Variants in TOGARAM1 observed in about 807,000 individuals in gnomAD.
TOGARAM1 encodes TOG array regulator of axonemal microtubules 1.
Under a neutral mutation model 166.6 loss-of-function variants are expected in TOGARAM1, and 100 were observed. The observed-to-expected ratio is 0.60, with a 90% CI of 0.51 to 0.71. The LOEUF is 0.71. Among genes scored for constraint, TOGARAM1 ranks in the 30% least tolerant of loss-of-function variants. TOGARAM1 has a pLI of 0.00. For missense variants in TOGARAM1, 2,029 were observed against 2,102.7 expected (o/e 0.96, Z 0.69); for synonymous variants, 758 against 763.8 (o/e 0.99, Z 0.13).
Position 44,963,363 on chromosome 14 carries a change from G to A in TOGARAM1, c.942G>A (p.Gln314=), listed in dbSNP as rs376482088. ...ACTACAATCGCCGCCTGGAGTCCCAGTTTGGAAGTCAGGTTCCTTATTATT... is the reference window on the plus strand; with the variant it reads ...ACTACAATCGCCGCCTGGAGTCCCAATTTGGAAGTCAGGTTCCTTATTATT... The part of the protein sequence containing the change: ...RRHYNRRLES[Q]FGSQVPYYLE... Residue 314 remains glutamine, a synonymous_variant, in exon 1 of 20, where the codon CAG becomes CAA. Transcript: ENST00000361462. The A allele has an allele frequency of 6.2e-7, 1 of 1,614,078 alleles. No individual in the cohort carries two copies. The highest frequency in any genetic ancestry group is 1.3e-5 in the African/African-American group (1 of 74,942).
chr14:45,052,245 G>A (rs1002819688), intron 14 of TOGARAM1, among the ~76,000 whole-genome samples, 191 bp from the exon 15 acceptor site: 2 of 152,110 alleles, frequency 1.3e-5, no homozygotes, highest in African/African-American at 2.4e-5. Context: ...GTTGTAAGTC[G>A]GAGACCATCT....
At chr14:45,012,204 C>T in intron 7 of TOGARAM1, 129 bp downstream of exon 7, 1 of 543,164 alleles carries the variant, frequency 1.8e-6, no homozygotes, top group Admixed American at 3.7e-5. Flanking sequence ...TTTTTTTACT[C>T]CTTAAAAGGT....
At chr14:44,998,790 A>G (rs1887555985) in intron 2 of TOGARAM1, among the ~76,000 whole-genome samples, 1 of 152,162 alleles carries the variant, frequency 6.6e-6, no homozygotes, top group South Asian at 2.1e-4. Flanking sequence ...AGGAGTCATT[A>G]CCACCTTTTT....
At chr14:44,964,672 A>C (rs1885413611) in intron 1 of TOGARAM1, among the ~76,000 whole-genome samples, 1 of 151,024 alleles carries the variant, frequency 6.6e-6, no homozygotes, top group Non-Finnish European at 1.5e-5. Context: ...GATAGATTTA[A>C]TTAAATTTGA....
chr14:45,002,804 C>T (rs1290652154), intron 3 of TOGARAM1, among the ~76,000 whole-genome samples: 1 of 151,946 alleles, frequency 6.6e-6, no homozygotes, highest in African/African-American at 2.4e-5. Context: ...GGTGAAACCC[C>T]GTCTCTACTA....
At chr14:45,035,186 C>T (rs1881360183) in intron 11 of TOGARAM1, among the ~76,000 whole-genome samples, 1 of 152,020 alleles carries the variant, frequency 6.6e-6, no homozygotes, top group Non-Finnish European at 1.5e-5. Flanking sequence ...AAGGCAAAAT[C>T]CTGTGTCTAC....
chr14:45,031,693 A>G (rs1335083768), intron 10 of TOGARAM1, among the ~76,000 whole-genome samples: 2 of 152,354 alleles, frequency 1.3e-5, no homozygotes, highest in East Asian at 3.9e-4. Context: ...TTTGTTAATA[A>G]TTTTGCATAT....
At chr14:44,972,003 C>T (rs1253158375) in intron 1 of TOGARAM1, among the ~76,000 whole-genome samples, 2 of 151,938 alleles carry the variant, frequency 1.3e-5, no homozygotes, top group East Asian at 1.9e-4. Context: ...CTTACATGGC[C>T]GGAGAAGGAG....
Position 45,045,583 on chromosome 14 carries a change from ATGTGTGTGTGTGTGTGTGTGTG to A in TOGARAM1, c.4154+727_4154+748del, listed in dbSNP as rs1200414644. Among the ~76,000 whole-genome samples, 284 of 37,450 alleles carry A rather than the reference ATGTGTGTGTGTGTGTGTGTGTG, an allele frequency of 7.6e-3. 9 individuals carry two copies. Among genetic ancestry groups the A allele is most frequent in the African/African-American group, 0.034 (262 of 7,714 alleles). The allele number at this position is 37,450 out of a possible 152,430, so 24.6% of individuals were successfully genotyped here. A position where few individuals can be genotyped will look rare whatever the true frequency, so the allele number is the denominator to read the frequency against. ...TATATATATATATATATATATATATATGTGTGTGTGTGTGTGTGTGTGTGTGTGTGTGTGTATATATATGTAT... is the reference window on the plus strand; with the variant it reads ...TATATATATATATATATATATATATATGTGTGTGTGTGTATATATATGTAT... On this transcript the variant is annotated intron_variant, in intron 13 of 19. Transcript: ENST00000361462.
chr14:44,993,572 C>G (rs1156745362), intron 1 of TOGARAM1, among the ~76,000 whole-genome samples: 3 of 152,136 alleles, frequency 2.0e-5, no homozygotes, highest in Non-Finnish European at 2.9e-5. Context: ...ATTCTATTTT[C>G]TTTTACTCTA....
chr14:45,022,572 A>G (rs1251709442), intron 7 of TOGARAM1, among the ~76,000 whole-genome samples: 2 of 151,554 alleles, frequency 1.3e-5, no homozygotes, highest in African/African-American at 2.4e-5. Flanking sequence ...AGTAATTTCC[A>G]TTGGTTAGCT....
intron 4 of TOGARAM1, 84 bp from the exon 5 acceptor site, chr14:45,005,924 A>T (rs1887930412): frequency 8.1e-7 from 1 of 1,232,484 alleles, no homozygotes; most frequent in Admixed American, 2.5e-5. Flanking sequence ...ATTTTAAAAC[A>T]TTGTATTTTA....
At chr14:45,017,641 T>G (rs549967373) in intron 7 of TOGARAM1, among the ~76,000 whole-genome samples, 1 of 152,264 alleles carries the variant, frequency 6.6e-6, no homozygotes, top group South Asian at 2.1e-4. Context: ...CCCAGCACTT[T>G]GGGAGGCTGA....
intron 1 of TOGARAM1, among the ~76,000 whole-genome samples, chr14:44,995,088 G>A (rs565192315): frequency 2.0e-5 from 3 of 152,246 alleles, no homozygotes; most frequent in African/African-American, 4.8e-5. Context: ...CTCTCATTTA[G>A]TTCTTTAACT....
At chr14:45,070,341 G>A (rs575244571) in intron 18 of TOGARAM1, among the ~76,000 whole-genome samples, 3 of 152,146 alleles carry the variant, frequency 2.0e-5, no homozygotes, top group Non-Finnish European at 4.4e-5. Context: ...CCTATATGAA[G>A]TGCCACTAGT....
chr14:44,990,035 G>T (rs1887045751), intron 1 of TOGARAM1, among the ~76,000 whole-genome samples: 1 of 152,110 alleles, frequency 6.6e-6, no homozygotes, highest in African/African-American at 2.4e-5. Context: ...GGGGGACATG[G>T]TCCCCATGAT....
chr14:45,037,404 C>T (rs1209666544), intron 11 of TOGARAM1, among the ~76,000 whole-genome samples: 1 of 152,142 alleles, frequency 6.6e-6, no homozygotes, highest in Non-Finnish European at 1.5e-5. Flanking sequence ...AGTGATATCC[C>T]AACACATTCA....
At chr14:45,026,480 C>T (rs1880847365) in intron 8 of TOGARAM1, among the ~76,000 whole-genome samples, 1 of 151,966 alleles carries the variant, frequency 6.6e-6, no homozygotes, top group South Asian at 2.1e-4. Context: ...ATTTTAAAAC[C>T]CTCCTCAGAT....
At chr14:44,980,598 T>C (rs1355893489) in intron 1 of TOGARAM1, among the ~76,000 whole-genome samples, 1 of 152,128 alleles carries the variant, frequency 6.6e-6, no homozygotes, top group Non-Finnish European at 1.5e-5. Flanking sequence ...AGAAAATCAC[T>C]TGAACCCAGG....
Sources: gnomAD v4.1 joint callset for allele counts (sites outside exome capture counted in the v4.1 genomes callset) on GRCh38, gnomAD v4.1.1 for gene constraint, MANE v1.5 for transcripts, NCBI Gene and HGNC (gene_info 2026-07-23, HGNC 2026-07-21) for gene names.